TULP4: variants seen among roughly 807,000 people sequenced by gnomAD.
TULP4 encodes TUB like protein 4.
Under a neutral mutation model 129.0 loss-of-function variants are expected in TULP4, and 16 were observed. That is an observed-to-expected ratio of 0.12 (90% CI 0.08 to 0.19). The LOEUF (loss-of-function observed/expected upper bound fraction) is 0.19, where lower values mean the gene tolerates loss of function less well. Ranked by LOEUF, TULP4 falls within the 10% of genes least tolerant of loss-of-function variation. The pLI, the probability that TULP4 is intolerant of heterozygous loss-of-function variation, is 1.00. For missense variants in TULP4, 1,842 were observed against 2,059.1 expected (o/e 0.89, Z 2.04); for synonymous variants, 998 against 854.0 (o/e 1.17, Z -2.94).
chr6:158,235,802 A>G (rs1168847882), intron 1 of TULP4, among the ~76,000 whole-genome samples: 4 of 152,260 alleles, frequency 2.6e-5, no homozygotes, highest in Non-Finnish European at 5.9e-5. Context: ...TGAAAAGACC[A>G]CGAGGCAATG....
Position 158,502,522 on chromosome 6 carries a change from C to T in TULP4, c.2859C>T (p.Ile953=), listed in dbSNP as rs374079807. 4 of 1,611,690 alleles carry T rather than the reference C, an allele frequency of 2.5e-6. No homozygotes were observed. The highest frequency in any genetic ancestry group is 3.4e-6 in the Non-Finnish European group (4 of 1,179,922). The change falls in exon 13 of 14, where the codon ATC becomes ATT. Residue 953 remains isoleucine, a synonymous_variant. Transcript: ENST00000367097. ...GCCTGACCGTCCCTCGCTACTCCAT[C>T]CCCACCGGGGACCCACCCCCGTATC... is the stretch of plus-strand genomic sequence containing the variant. ...LNRLTVPRYS[I]PTGDPPPYPE...
chr6:158,503,385 C>T lies in TULP4; in HGVS notation c.3722C>T (p.Pro1241Leu), dbSNP rs760314999. ...YPPSLSYCTL[P>L]PMYPGSSTCS... ...CCCAGCCTCTCCTATTGCACCCTGC[C>T]CCCCATGTACCCAGGAAGCAGCACG... The change falls in exon 13 of 14, where the codon CCC becomes CTC. Residue 1241 changes from proline (P) to leucine (L), a missense_variant. By Grantham distance (98) the Pro-to-Leu change is moderately conservative (BLOSUM62 -3). Coordinates refer to ENST00000367097, the MANE Select transcript of TULP4 (RefSeq NM_020245.5). The surrounding 1 kb of genome is among the most constrained non-coding windows in gnomAD (Gnocchi z 4.3). The T allele has an allele frequency of 1.8e-5, 29 of 1,613,760 alleles. No individual in the cohort carries two copies. The East Asian group carries it at 4.9e-4, about 27-fold the overall frequency.
At position 158,493,516 on chromosome 6, in the gene TULP4, G is replaced by T. The variant is rs1780261318; in HGVS notation, c.1632-57G>T. ...AAAAGAAAGGACTGCTGGAGTCAGG[G>T]CCATGCTCACCATTCCCGCCACGGA... On this transcript the variant is annotated intron_variant, in intron 9 of 13. Transcript: ENST00000367097. This position sits in a 1 kb window ranked among gnomAD's most constrained non-coding sequence, Gnocchi z 4.4. 5 of 1,421,968 alleles carry T rather than the reference G, an allele frequency of 3.5e-6. No individual in the cohort carries two copies. Among genetic ancestry groups the T allele is most frequent in the Admixed American group, 2.9e-5 (1 of 34,890 alleles). 88.1% of individuals were successfully genotyped at this position (1,421,968 alleles called of 1,614,324 possible). A position where few individuals can be genotyped will look rare whatever the true frequency, so the allele number is the denominator to read the frequency against.
chr6:158,237,675 C>T, intron 1 of TULP4: 1 of 1,172,390 alleles, frequency 8.5e-7, no homozygotes, highest in South Asian at 1.3e-5. Flanking sequence ...GCAATTTTCC[C>T]TTCTTTTTCT....
chr6:158,388,221 A>T (rs1476149678), intron 1 of TULP4, among the ~76,000 whole-genome samples: 1 of 152,166 alleles, frequency 6.6e-6, no homozygotes, highest in Non-Finnish European at 1.5e-5. Context: ...TTCTATGCTT[A>T]ACTAGCAAAT....
rs1024514088 is a variant in TULP4, at chr6:158,337,331, A to G, written c.252+23063A>G. Among the ~76,000 whole-genome samples, 81 of 151,880 alleles carry G rather than the reference A, an allele frequency of 5.3e-4. 1 individual carries two copies. The highest frequency in any genetic ancestry group is 1.8e-3 in the African/African-American group (75 of 41,402). ...TTTTTTGTAGAGATGGGGTTTCACC[A>G]TGTTGCCCAAACTGGTCTTGAACTC... On this transcript the variant is annotated intron_variant, in intron 1 of 13. Transcript: ENST00000367097.
At chr6:158,339,175 C>T (rs911494561) in intron 1 of TULP4, among the ~76,000 whole-genome samples, 33 of 151,982 alleles carry the variant, frequency 2.2e-4, no homozygotes, top group Non-Finnish European at 4.4e-4. Context: ...AGCTGGTGTC[C>T]TGGGGGAGAC....
chr6:158,252,822 C>T (rs953206733), intron 1 of TULP4, among the ~76,000 whole-genome samples: 4 of 152,058 alleles, frequency 2.6e-5, no homozygotes, highest in South Asian at 2.1e-4. Context: ...CAGAGCAGCC[C>T]GGTTTTTTCA....
intron 2 of TULP4, among the ~76,000 whole-genome samples, chr6:158,418,197 C>T (rs2115023526): frequency 6.6e-6 from 1 of 151,290 alleles, no homozygotes; most frequent in Admixed American, 6.6e-5. Flanking sequence ...ACCTCCACCT[C>T]CCGGGTTGAA....
chr6:158,346,283 A>C (rs1780310429), intron 1 of TULP4, among the ~76,000 whole-genome samples: 1 of 152,258 alleles, frequency 6.6e-6, no homozygotes, highest in African/African-American at 2.4e-5. Context: ...AGACAGGCAT[A>C]AGAAATTATG....
intron 6 of TULP4, among the ~76,000 whole-genome samples, chr6:158,469,318 G>C (rs1390865147): frequency 6.6e-6 from 1 of 151,224 alleles, no homozygotes; most frequent in Non-Finnish European, 1.5e-5. Context: ...CTGTCATTCA[G>C]GCTGGAGTGC....
In TULP4 at chr6:158,502,504, C is replaced by G. The variant is rs571661893; in HGVS notation, c.2841C>G (p.Thr947=). 1.2e-6 allele frequency: 2 copies of G among 1,612,850 alleles called. No individual in the cohort carries two copies. Among genetic ancestry groups the G allele is most frequent in the East Asian group, 2.2e-5 (1 of 44,860 alleles). ...PCSSATLNRL[T]VPRYSIPTGD... ...GCAGTGCCACCCTGAACCGCCTGAC[C>G]GTCCCTCGCTACTCCATCCCCACCG... is the stretch of plus-strand genomic sequence containing the variant. The change falls in exon 13 of 14, where the codon ACC becomes ACG. Residue 947 remains threonine, a synonymous_variant. Coordinates refer to ENST00000367097, the MANE Select transcript of TULP4 (RefSeq NM_020245.5).
intron 1 of TULP4, among the ~76,000 whole-genome samples, chr6:158,368,174 T>C (rs1776981652): frequency 6.6e-6 from 1 of 152,036 alleles, no homozygotes; most frequent in Admixed American, 6.6e-5. Context: ...TCTTGATTGG[T>C]TTGTCTGTAA....
intron 1 of TULP4, among the ~76,000 whole-genome samples, chr6:158,372,831 T>C (rs35350201): frequency 1.3e-5 from 2 of 152,214 alleles, no homozygotes; most frequent in African/African-American, 2.4e-5. Context: ...CAATATATGG[T>C]TTTGTTTTTG....
chr6:158,303,779 T>C (rs1779168807), intron 1 of TULP4, among the ~76,000 whole-genome samples: 1 of 152,250 alleles, frequency 6.6e-6, no homozygotes, highest in African/African-American at 2.4e-5. Context: ...TCAGTAATAC[T>C]AGTAATACCA....
chr6:158,464,497 C>T (rs529557821), intron 6 of TULP4, among the ~76,000 whole-genome samples: 12 of 152,298 alleles, frequency 7.9e-5, no homozygotes, highest in African/African-American at 1.9e-4. Context: ...CACCCCCCGC[C>T]GCAAGACGGA....
intron 11 of TULP4, 109 bp downstream of exon 11, chr6:158,494,955 G>T: frequency 1.2e-6 from 1 of 817,292 alleles, no homozygotes. Flanking sequence ...GACAGCAAAA[G>T]ATTAGCATGT....
intron 1 of TULP4, among the ~76,000 whole-genome samples, chr6:158,362,013 T>C (rs556788769): frequency 1.6e-4 from 24 of 152,322 alleles, no homozygotes; most frequent in Admixed American, 7.2e-4. Flanking sequence ...CTCAGAAATG[T>C]TTCTAGTAGT....
chr6:158,502,921 G>C lies in TULP4; in HGVS notation c.3258G>C (p.Ser1086=). ...GCGACCGCACCGACTACGTCAACTC[G>C]GCCTTCACGGAGGACGAGGCCCTGT... ...SARDRTDYVN[S]AFTEDEALSQ... Residue 1086 remains serine, a synonymous_variant, in exon 13 of 14, where the codon TCG becomes TCC. Transcript: ENST00000367097. 6.2e-7 allele frequency: 1 copy of C among 1,614,004 alleles called. No individual in the cohort carries two copies. Among genetic ancestry groups the C allele is most frequent in the East Asian group, 2.2e-5 (1 of 44,858 alleles).
Sources: allele counts gnomAD v4.1 joint callset (sites outside exome capture counted in the v4.1 genomes callset), GRCh38; gene constraint gnomAD v4.1.1; non-coding constraint Gnocchi (gnomAD v3.1); transcripts MANE v1.5; gene names NCBI Gene and HGNC (gene_info 2026-07-23, HGNC 2026-07-21).